Variants in CHD9 observed in about 807,000 individuals in gnomAD.
The protein encoded by CHD9 is chromodomain helicase DNA binding protein 9.
CHD9 carries 77 observed loss-of-function variants against 316.1 expected under a neutral mutation model. The ratio of observed to expected loss-of-function variants is 0.24; its 90% confidence interval spans 0.20 to 0.29. The LOEUF (loss-of-function observed/expected upper bound fraction) is 0.29. Among genes scored for constraint, CHD9 ranks in the 10% least tolerant of loss-of-function variants. CHD9 has a pLI of 1.00. For synonymous variants in CHD9, 1,129 were observed against 1,158.3 expected, an observed-to-expected ratio of 0.97 and a Z score of 0.51; for missense variants, 2,763 against 3,438.1, an observed-to-expected ratio of 0.80 and a Z score of 4.91.
At chr16:53,224,161 G>A (rs1294731533) in intron 4 of CHD9, among the ~76,000 whole-genome samples, 1 of 152,050 alleles carries the variant, frequency 6.6e-6, no homozygotes, top group Non-Finnish European at 1.5e-5. Context: ...AAGCCTTTAA[G>A]ACTTAAGAAG....
At chr16:53,254,834 C>T (rs1449291277) in intron 18 of CHD9, among the ~76,000 whole-genome samples, 1 of 152,122 alleles carries the variant, frequency 6.6e-6, no homozygotes, top group South Asian at 2.1e-4. Context: ...GATAGAAATT[C>T]TTTGCTCTCT....
intron 1 of CHD9, among the ~76,000 whole-genome samples, chr16:53,112,643 AACAAG>A (rs2037956980): frequency 1.3e-5 from 2 of 152,232 alleles, no homozygotes; most frequent in Non-Finnish European, 1.5e-5. Context: ...AAAGTTCACT[AACAAG>A]ACAAAAGACC....
In CHD9 at chr16:53,219,991, G is replaced by A. The variant is rs547650791; in HGVS notation, c.1785-2653G>A. Among the ~76,000 whole-genome samples the A allele has an allele frequency of 2.7e-4, 41 of 152,280 alleles. 1 individual carries two copies. Among genetic ancestry groups the A allele is most frequent in the African/African-American group, 8.2e-4 (34 of 41,556 alleles). ...ACGGAAATGACTCTTGAGAACTTTGGATACAAAGGAGGAAGAACAAGGTCA... is the reference window on the plus strand; with the variant it reads ...ACGGAAATGACTCTTGAGAACTTTGAATACAAAGGAGGAAGAACAAGGTCA... On this transcript the variant is annotated intron_variant, in intron 3 of 38. Coordinates refer to ENST00000447540, the MANE Select transcript of CHD9 (RefSeq NM_001308319.2).
intron 2 of CHD9, among the ~76,000 whole-genome samples, chr16:53,198,001 C>A (rs1435983497): frequency 6.6e-6 from 1 of 151,966 alleles, no homozygotes; most frequent in Admixed American, 6.6e-5. Context: ...ATTGGAATTA[C>A]GGAAACCCTC....
intron 19 of CHD9, among the ~76,000 whole-genome samples, chr16:53,259,478 CGTTCCTCATGGTTT>C (rs1248139369): frequency 6.6e-6 from 1 of 151,942 alleles, no homozygotes; most frequent in Non-Finnish European, 1.5e-5. Flanking sequence ...CATGTTTAAT[CGTTCCTCATGGTTT>C]TTTGCTTTTT....
chr16:53,174,572 A>T (rs961060420), intron 2 of CHD9, among the ~76,000 whole-genome samples: 1 of 152,084 alleles, frequency 6.6e-6, no homozygotes, highest in African/African-American at 2.4e-5. Context: ...AACATGGTAT[A>T]TCTTTTTCTG....
At chr16:53,116,349 C>T (rs938912733) in intron 1 of CHD9, among the ~76,000 whole-genome samples, 3 of 152,172 alleles carry the variant, frequency 2.0e-5, no homozygotes, top group African/African-American at 7.2e-5. Flanking sequence ...CGTGAGCCAC[C>T]ATGCCTGGCC....
At chr16:53,127,906 G>A (rs1479345297) in intron 1 of CHD9, among the ~76,000 whole-genome samples, 2 of 129,924 alleles carry the variant, frequency 1.5e-5, no homozygotes, top group African/African-American at 6.0e-5. Flanking sequence ...TCATTCCACT[G>A]CACTCCAGCC....
chr16:53,197,364 A>AT (rs772710432), intron 2 of CHD9, among the ~76,000 whole-genome samples: 1 of 152,120 alleles, frequency 6.6e-6, no homozygotes, highest in African/African-American at 2.4e-5. Flanking sequence ...TTTGAGTGAC[A>AT]TTTTTTACTC....
chr16:53,324,394 G>T lies in CHD9; in HGVS notation c.8193G>T (p.Leu2731=), dbSNP rs1312756882. Reference sequence around the variant, plus strand: ...ATCTGTTGGGCATGGGAGGACTCCTGACAAAGCCTACGGAATCTGGGACAG... The same window carrying T: ...ATCTGTTGGGCATGGGAGGACTCCTTACAAAGCCTACGGAATCTGGGACAG... The part of the protein sequence containing the change: ...LPNLLGMGGL[L]TKPTESGTED... The change falls in exon 39 of 39, where the codon CTG becomes CTT. Residue 2731 remains leucine (L), a synonymous_variant. Transcript: ENST00000447540. 9 of 1,613,892 alleles carry T rather than the reference G, an allele frequency of 5.6e-6. No homozygotes were observed. The highest frequency in any genetic ancestry group is 7.6e-6 in the Non-Finnish European group (9 of 1,179,894).
chr16:53,247,350 A>G lies in CHD9; in HGVS notation c.3512A>G (p.Asp1171Gly), dbSNP rs2049725309. ...GATACTTACAATCCAGCTGCTTCTG[A>G]TTTTCATCTTCAAGCAATGATCCAG... ...FRDTYNPAAS[D>G]FHLQAMIQSA... The change falls in exon 16 of 39, where the codon GAT becomes GGT. Residue 1171 changes from aspartate to glycine, a missense_variant. Physicochemically the swap from Asp to Gly is moderately conservative, Grantham distance 94. Coordinates refer to ENST00000447540, the MANE Select transcript of CHD9 (RefSeq NM_001308319.2). The G allele has an allele frequency of 6.2e-7, 1 of 1,607,064 alleles. No homozygotes were observed. Among genetic ancestry groups the G allele is most frequent in the Non-Finnish European group, 8.5e-7 (1 of 1,176,336 alleles).
intron 2 of CHD9, among the ~76,000 whole-genome samples, chr16:53,197,809 C>T (rs1488052861): frequency 1.3e-5 from 2 of 151,950 alleles, no homozygotes; most frequent in East Asian, 1.9e-4. Context: ...AGGCGTGCAC[C>T]ACCACACCCA....
At chr16:53,055,551 A>G (rs2031983893) in intron 1 of CHD9, among the ~76,000 whole-genome samples, 1 of 144,482 alleles carries the variant, frequency 6.9e-6, no homozygotes, top group Non-Finnish European at 1.5e-5. Context: ...ACATCTGGGT[A>G]TTAAAATGTT....
At chr16:53,322,465 G>A (rs1395700583) in intron 38 of CHD9, among the ~76,000 whole-genome samples, 1 of 151,714 alleles carries the variant, frequency 6.6e-6, no homozygotes, top group Non-Finnish European at 1.5e-5. Flanking sequence ...AAATTAGCCA[G>A]GCAGTAGTCC....
intron 1 of CHD9, among the ~76,000 whole-genome samples, chr16:53,095,866 A>G (rs531155869): frequency 3.0e-4 from 45 of 152,346 alleles, no homozygotes; most frequent in African/African-American, 1.1e-3. Context: ...AACAACAAAC[A>G]TATAAATATC....
At position 53,257,756 on chromosome 16, in the gene CHD9, G is replaced by GA. The variant is rs1366970746; in HGVS notation, c.4209+1984dup. Among the ~76,000 whole-genome samples, 4 of 152,064 alleles carry GA rather than the reference G, an allele frequency of 2.6e-5. No individual in the cohort carries two copies. In the East Asian group the frequency reaches 5.8e-4, roughly 22 times the overall value. ...TTGGAAATTAGTAGAGAATAAATCA[G>GA]AAAAAAAGTAGTTCCTTTTGTTTCC... On this transcript the variant is annotated intron_variant, in intron 19 of 38. Transcript: ENST00000447540.
chr16:53,155,062 T>G (rs1052037857), intron 1 of CHD9, among the ~76,000 whole-genome samples: 1 of 152,206 alleles, frequency 6.6e-6, no homozygotes, highest in Non-Finnish European at 1.5e-5. Context: ...GTTATAAGTT[T>G]CAAAGTTGTA....
intron 2 of CHD9, among the ~76,000 whole-genome samples, chr16:53,172,412 A>ATT (rs772598867): frequency 2.3e-4 from 35 of 152,254 alleles, no homozygotes; most frequent in Non-Finnish European, 3.8e-4. Context: ...ATCTACTATA[A>ATT]TTTGTTCGTT....
intron 17 of CHD9, among the ~76,000 whole-genome samples, chr16:53,253,827 A>T (rs566398047): frequency 3.3e-5 from 5 of 152,094 alleles, no homozygotes; most frequent in Non-Finnish European, 7.4e-5. Context: ...TCAACTATAA[A>T]ATCTGTTCAT....
Sources: gnomAD v4.1 joint callset for allele counts (sites outside exome capture counted in the v4.1 genomes callset) on GRCh38, gnomAD v4.1.1 for gene constraint, MANE v1.5 for transcripts, NCBI Gene and HGNC (gene_info 2026-07-23, HGNC 2026-07-21) for gene names.